Variants in GPC5 observed in about 807,000 individuals in gnomAD.
GPC5 encodes the protein glypican-5.
A neutral mutation model predicts 53.9 loss-of-function variants in GPC5; 47 were observed. That is an observed-to-expected ratio of 0.87 (90% CI 0.69 to 1.11). GPC5 has a LOEUF of 1.11. Among genes scored for constraint, GPC5 ranks in the 50% most tolerant of loss-of-function variants. The pLI is 0.00. For missense variants in GPC5, 748 were observed against 713.1 expected (o/e 1.05, Z -0.56); for synonymous variants, 286 against 263.3 (o/e 1.09, Z -0.84).
chr13:92,164,412 C>T (rs1338200236), intron 7 of GPC5, among the ~76,000 whole-genome samples: 1 of 152,192 alleles, frequency 6.6e-6, no homozygotes, highest in Non-Finnish European at 1.5e-5. Context: ...CTGCAGTTCC[C>T]ATGCAAATCC....
intron 7 of GPC5, among the ~76,000 whole-genome samples, chr13:92,613,330 A>ATAAT (rs1173655761): frequency 7.6e-4 from 75 of 99,194 alleles, no homozygotes; most frequent in African/African-American, 3.1e-3. Context: ...ATATTTATAT[A>ATAAT]ATATAATATA....
At chr13:91,664,494 A>G (rs184058241) in intron 2 of GPC5, among the ~76,000 whole-genome samples, 1 of 152,272 alleles carries the variant, frequency 6.6e-6, no homozygotes, top group East Asian at 1.9e-4. Context: ...TTTGAGTTTT[A>G]TTTTGGATTA....
rs1322416586 is a variant in GPC5, at chr13:92,580,698, G to A, written c.1562-285584G>A. Among the ~76,000 whole-genome samples, 4 of 152,096 alleles carry A rather than the reference G, an allele frequency of 2.6e-5. No homozygotes were observed. The East Asian group carries it at 7.8e-4, about 29-fold the overall frequency. On this transcript the variant is annotated intron_variant, in intron 7 of 7. Transcript: ENST00000377067. ...TGAAAGCAGGAGCAAGAGAGTGGCA[G>A]AGGTGACACTCACACTTTTAAATGA...
At chr13:91,766,442 G>C (rs1242701830) in intron 5 of GPC5, among the ~76,000 whole-genome samples, 1 of 152,160 alleles carries the variant, frequency 6.6e-6, no homozygotes, top group Admixed American at 6.6e-5. Context: ...AGCCAATAAG[G>C]CTCAGTGGTT....
chr13:92,512,572 A>G (rs1880613419), intron 7 of GPC5, among the ~76,000 whole-genome samples: 1 of 152,214 alleles, frequency 6.6e-6, no homozygotes, highest in Admixed American at 6.5e-5. Context: ...TCTGAATTGT[A>G]GTAACCCAGA....
At chr13:92,206,155 A>ATTTT (rs1266783877) in intron 7 of GPC5, among the ~76,000 whole-genome samples, 1 of 54,926 alleles carries the variant, frequency 1.8e-5, no homozygotes, top group Non-Finnish European at 3.5e-5. Context: ...TGTTTTTTTT[A>ATTTT]TTTTTTTTTT....
At chr13:91,437,089 A>T (rs1423777061) in intron 1 of GPC5, among the ~76,000 whole-genome samples, 1 of 152,000 alleles carries the variant, frequency 6.6e-6, no homozygotes, top group Non-Finnish European at 1.5e-5. Context: ...GTCGCTGCAT[A>T]TGAGATGGGT....
intron 7 of GPC5, among the ~76,000 whole-genome samples, chr13:92,365,875 G>A (rs1305298542): frequency 3.3e-5 from 5 of 151,060 alleles, no homozygotes; most frequent in Non-Finnish European, 5.9e-5. Flanking sequence ...GGACTTGCCT[G>A]AGGCTGTTTT....
chr13:91,814,521 G>C (rs1431302814), intron 5 of GPC5, among the ~76,000 whole-genome samples: 1 of 148,404 alleles, frequency 6.7e-6, no homozygotes, highest in Non-Finnish European at 1.5e-5. Context: ...TATGTATTCT[G>C]CAACTTTATT....
intron 7 of GPC5, among the ~76,000 whole-genome samples, chr13:92,470,562 T>C (rs546518700): frequency 2.6e-5 from 4 of 152,238 alleles, no homozygotes; most frequent in Admixed American, 2.6e-4. Context: ...AGGCAAACTA[T>C]AATAAGAAAG....
At chr13:91,876,223 T>C (rs968969416) in intron 5 of GPC5, among the ~76,000 whole-genome samples, 1 of 152,144 alleles carries the variant, frequency 6.6e-6, no homozygotes, top group African/African-American at 2.4e-5. Context: ...ACTAATACAG[T>C]AAATTGGTAC....
chr13:92,096,796 A>G (rs551711053), intron 6 of GPC5, among the ~76,000 whole-genome samples: 5 of 152,310 alleles, frequency 3.3e-5, no homozygotes, highest in African/African-American at 1.2e-4. Context: ...AGTGGCATTT[A>G]AAAAACTAAT....
chr13:91,697,843 G>A (rs1312295741), intron 3 of GPC5, among the ~76,000 whole-genome samples: 1 of 151,084 alleles, frequency 6.6e-6, no homozygotes, highest in Admixed American at 6.6e-5. Flanking sequence ...CAGAACAAAT[G>A]TTACCAGGAA....
chr13:91,749,820 T>G (rs140728366), intron 4 of GPC5, among the ~76,000 whole-genome samples: 9 of 152,318 alleles, frequency 5.9e-5, no homozygotes, highest in African/African-American at 1.9e-4. Flanking sequence ...GAAGTGGTAT[T>G]TTTTGGAGAC....
chr13:91,977,988 G>T (rs1339717557), intron 6 of GPC5, among the ~76,000 whole-genome samples: 1 of 144,186 alleles, frequency 6.9e-6, no homozygotes, highest in South Asian at 2.2e-4. Flanking sequence ...AGAAAGAAAA[G>T]AAAAAAAAAA....
At chr13:91,857,851 T>C (rs569346334) in intron 5 of GPC5, among the ~76,000 whole-genome samples, 3 of 151,694 alleles carry the variant, frequency 2.0e-5, no homozygotes, top group Admixed American at 6.6e-5. Context: ...ATTTTGTCAA[T>C]AGAATTTTCT....
chr13:92,296,624 AG>A (rs2043036546), intron 7 of GPC5, among the ~76,000 whole-genome samples: 1 of 152,124 alleles, frequency 6.6e-6, no homozygotes, highest in South Asian at 2.1e-4. Context: ...GGGCTGGCCA[AG>A]GCTGGAGCCC....
intron 7 of GPC5, among the ~76,000 whole-genome samples, chr13:92,166,495 T>C (rs575808834): frequency 1.3e-5 from 2 of 152,340 alleles, no homozygotes; most frequent in South Asian, 4.1e-4. Flanking sequence ...AAGCCATTTT[T>C]AGTACATAAA....
intron 7 of GPC5, among the ~76,000 whole-genome samples, chr13:92,765,919 T>G (rs1170279723): frequency 6.6e-6 from 1 of 151,944 alleles, no homozygotes; most frequent in Admixed American, 6.6e-5. Context: ...TAGTAAAGAC[T>G]TGTTCTGGCA....
Sources: allele counts gnomAD v4.1 joint callset (sites outside exome capture counted in the v4.1 genomes callset), GRCh38; gene constraint gnomAD v4.1.1; transcripts MANE v1.5; gene names NCBI Gene and HGNC (gene_info 2026-07-23, HGNC 2026-07-21).